TADA2A: variants seen among roughly 807,000 people sequenced by gnomAD.
TADA2A encodes transcriptional adaptor 2A.
TADA2A carries 38 observed loss-of-function variants against 67.4 expected under a neutral mutation model. That is an observed-to-expected ratio of 0.56 (90% confidence interval 0.44 to 0.74). TADA2A has a LOEUF of 0.74. TADA2A is among the 30% of genes least tolerant of loss of function. TADA2A has a pLI of 0.00. For synonymous variants in TADA2A, 192 were observed against 181.6 expected, an observed-to-expected ratio of 1.06 and a Z score of -0.46; for missense variants, 454 against 547.0, an observed-to-expected ratio of 0.83 and a Z score of 1.70.
chr17:37,457,812 G>A (rs1720009847), intron 8 of TADA2A, among the ~76,000 whole-genome samples: 1 of 151,934 alleles, frequency 6.6e-6, no homozygotes, highest in African/African-American at 2.4e-5. Flanking sequence ...TCATTCTTAT[G>A]AGTACTCTGA....
intron 14 of TADA2A, 75 bp from the exon 15 acceptor site, chr17:37,474,481 G>T: frequency 6.8e-7 from 1 of 1,467,460 alleles, no homozygotes; most frequent in Non-Finnish European, 9.4e-7. Flanking sequence ...TGGCTGCACT[G>T]AACTTTTTAA....
chr17:37,427,896 C>T (rs573822715), intron 4 of TADA2A, among the ~76,000 whole-genome samples: 4 of 152,056 alleles, frequency 2.6e-5, no homozygotes, highest in East Asian at 3.9e-4. Flanking sequence ...GCAGGAGAAT[C>T]GCTTGAACCC....
intron 4 of TADA2A, among the ~76,000 whole-genome samples, chr17:37,437,244 A>C (rs1173789739): frequency 6.6e-6 from 1 of 151,356 alleles, no homozygotes. Flanking sequence ...GGCGCTCACC[A>C]CCAGGCCCGG....
intron 12 of TADA2A, 63 bp downstream of exon 12, chr17:37,467,588 GTC>G: frequency 3.7e-6 from 5 of 1,367,936 alleles, no homozygotes; most frequent in Non-Finnish European, 4.1e-6. Flanking sequence ...CACAGAGGAA[GTC>G]TCTGAATTGT....
intron 4 of TADA2A, among the ~76,000 whole-genome samples, chr17:37,429,305 C>G (rs988616800): frequency 6.6e-6 from 1 of 152,132 alleles, no homozygotes; most frequent in Non-Finnish European, 1.5e-5. Flanking sequence ...AGGATAGTCT[C>G]TCTACTTTAA....
intron 5 of TADA2A, 61 bp downstream of exon 5, chr17:37,437,890 G>A: frequency 6.7e-7 from 1 of 1,493,080 alleles, no homozygotes; most frequent in Non-Finnish European, 9.3e-7. Context: ...AGCTGTTGTT[G>A]AAGAGTAAAG....
intron 4 of TADA2A, among the ~76,000 whole-genome samples, chr17:37,430,407 A>G (rs1174525896): frequency 6.6e-6 from 1 of 152,196 alleles, no homozygotes; most frequent in Non-Finnish European, 1.5e-5. Flanking sequence ...TGCCTCAGAT[A>G]ACTTTAAATG....
chr17:37,455,556 T>C (rs1374740069), intron 8 of TADA2A, among the ~76,000 whole-genome samples: 2 of 152,062 alleles, frequency 1.3e-5, no homozygotes, highest in Admixed American at 6.6e-5. Context: ...TAATTTTTTA[T>C]ATTTTTAGTA....
intron 4 of TADA2A, among the ~76,000 whole-genome samples, chr17:37,428,731 A>T (rs2052480656): frequency 6.6e-6 from 1 of 151,746 alleles, no homozygotes; most frequent in Admixed American, 6.6e-5. Flanking sequence ...GGCACAAGCC[A>T]CCATGCCTGG....
chr17:37,465,494 G>T lies in TADA2A; in HGVS notation c.776G>T (p.Arg259Ile). The T allele has an allele frequency of 6.2e-7, 1 of 1,614,120 alleles. No individual in the cohort carries two copies. The highest frequency in any genetic ancestry group is 8.5e-7 in the Non-Finnish European group (1 of 1,180,030). Reference sequence around the variant, plus strand: ...TATGAAACAATGAGGCGATTTGCAAGAATTGTGGGGCCAGTGGAACATGAC... The same window carrying T: ...TATGAAACAATGAGGCGATTTGCAATAATTGTGGGGCCAGTGGAACATGAC... Reference protein sequence around the residue: ...DLYETMRRFARIVGPVEHDKF... With the variant: ...DLYETMRRFAIIVGPVEHDKF... Residue 259 changes from arginine to isoleucine, a missense_variant, in exon 11 of 16, where the codon AGA becomes ATA. Physicochemically the swap from Arg to Ile is moderately conservative, Grantham distance 97. Coordinates refer to ENST00000615182, the MANE Select transcript of TADA2A (RefSeq NM_001166105.3).
chr17:37,462,922 T>C (rs1354272848), intron 10 of TADA2A, among the ~76,000 whole-genome samples: 1 of 152,102 alleles, frequency 6.6e-6, no homozygotes, highest in Non-Finnish European at 1.5e-5. Flanking sequence ...TAAAAATACA[T>C]ATAGTGATTT....
chr17:37,440,985 C>T (rs1411269398), intron 6 of TADA2A, among the ~76,000 whole-genome samples: 1 of 151,954 alleles, frequency 6.6e-6, no homozygotes, highest in East Asian at 1.9e-4. Flanking sequence ...ATCCCAGCTA[C>T]TGGGGAGGCC....
intron 1 of TADA2A, among the ~76,000 whole-genome samples, chr17:37,409,683 C>G (rs1597834257): frequency 6.6e-6 from 1 of 151,164 alleles, no homozygotes; most frequent in South Asian, 2.1e-4. Flanking sequence ...AGGAGACTCG[C>G]TTGAACCCGG....
chr17:37,434,657 C>CT, intron 4 of TADA2A, among the ~76,000 whole-genome samples: 1 of 152,264 alleles, frequency 6.6e-6, no homozygotes. Flanking sequence ...AAACATTAAT[C>CT]TTTTAATTCT....
intron 2 of TADA2A, among the ~76,000 whole-genome samples, chr17:37,422,481 G>GATTATTATTATTATTATTATTATT (rs60163170): frequency 8.8e-5 from 12 of 136,988 alleles, no homozygotes; most frequent in African/African-American, 1.6e-4. Flanking sequence ...ATGCCCAGCT[G>GATTATTATTATTATTATTATTATT]ATTATTATTA....
intron 2 of TADA2A, 34 bp from the exon 3 acceptor site, chr17:37,423,475 T>C: frequency 6.6e-7 from 1 of 1,519,430 alleles, no homozygotes; most frequent in Non-Finnish European, 9.0e-7. Context: ...CGTAAGGTGG[T>C]CTGAAATGTG....
chr17:37,465,147 CAA>C (rs112540084), intron 10 of TADA2A, among the ~76,000 whole-genome samples: 1 of 133,450 alleles, frequency 7.5e-6, no homozygotes, highest in Non-Finnish European at 1.6e-5. Flanking sequence ...GACTCCATCT[CAA>C]AAAAAAAAAA....
chr17:37,452,125 C>T lies in TADA2A; in HGVS notation c.605-6399C>T, dbSNP rs575110317. Among the ~76,000 whole-genome samples, 5 of 152,066 alleles carry T rather than the reference C, an allele frequency of 3.3e-5. No homozygotes were observed. In the East Asian group the frequency reaches 9.7e-4, roughly 29 times the overall value. On this transcript the variant is annotated intron_variant, in intron 8 of 15. Transcript: ENST00000615182. ...GCTTATAAAGATCTTGAAATATGGCCAGGCGCGATGGCTCACACCTGTATT... is the reference window on the plus strand; with the variant it reads ...GCTTATAAAGATCTTGAAATATGGCTAGGCGCGATGGCTCACACCTGTATT...
At position 37,442,658 on chromosome 17, in the gene TADA2A, A is replaced by G; in HGVS notation, c.531+6A>G. 1 of 1,613,362 alleles carries G rather than the reference A, an allele frequency of 6.2e-7. No individual in the cohort carries two copies. Among genetic ancestry groups the G allele is most frequent in the East Asian group, 2.2e-5 (1 of 44,854 alleles). ...CTCGAGCAGATTTCATTGAGGTAGG[A>G]TAAATGTGTTTTTAGCACAAAGTAG... On this transcript the variant is annotated splice_donor_region_variant and intron_variant, in intron 7 of 15. Transcript: ENST00000615182.
Sources: allele counts gnomAD v4.1 joint callset (sites outside exome capture counted in the v4.1 genomes callset), GRCh38; gene constraint gnomAD v4.1.1; transcripts MANE v1.5; gene names NCBI Gene and HGNC (gene_info 2026-07-23, HGNC 2026-07-21).